Variants in FOXP1 observed in about 807,000 individuals in gnomAD.
FOXP1 encodes the protein forkhead box protein P1.
FOXP1 carries 15 observed loss-of-function variants against 98.2 expected under a neutral mutation model. The observed-to-expected ratio is 0.15, with a 90% CI of 0.10 to 0.24. The LOEUF (loss-of-function observed/expected upper bound fraction) is 0.24. Among genes scored for constraint, FOXP1 ranks in the 10% least tolerant of loss-of-function variants. The pLI is 1.00. For missense variants in FOXP1, 633 were observed against 848.5 expected (o/e 0.75, Z 3.15); for synonymous variants, 371 against 314.5 (o/e 1.18, Z -1.90).
intron 19 of FOXP1, among the ~76,000 whole-genome samples, chr3:70,967,878 C>T (rs1575716028): frequency 6.6e-6 from 1 of 151,824 alleles, no homozygotes. Context: ...ATTCCAAGGT[C>T]AGAATGTGGC....
At chr3:71,243,363 G>A (rs1193294134) in intron 5 of FOXP1, among the ~76,000 whole-genome samples, 1 of 152,176 alleles carries the variant, frequency 6.6e-6, no homozygotes, top group African/African-American at 2.4e-5. Context: ...ATGATCCGCA[G>A]CCAAGAAACC....
intron 5 of FOXP1, among the ~76,000 whole-genome samples, chr3:71,248,299 A>T (rs73109709): frequency 0.14 from 21,158 of 152,024 alleles, 1,563 homozygotes; most frequent in Non-Finnish European, 0.15. Context: ...TAATATTCAA[A>T]ATCTGTAGGA....
At chr3:71,175,729 T>C (rs745886635) in intron 6 of FOXP1, among the ~76,000 whole-genome samples, 4 of 152,202 alleles carry the variant, frequency 2.6e-5, no homozygotes, top group Non-Finnish European at 4.4e-5. Context: ...AAATATATGC[T>C]TTTGCTGCTA....
intron 3 of FOXP1, among the ~76,000 whole-genome samples, chr3:71,491,525 G>C (rs923711810): frequency 1.3e-5 from 2 of 152,258 alleles, no homozygotes; most frequent in African/African-American, 4.8e-5. Context: ...TTTCATTGTG[G>C]ACATCCTTGC....
chr3:71,239,176 AT>A (rs2067045831), intron 5 of FOXP1, among the ~76,000 whole-genome samples: 2 of 152,156 alleles, frequency 1.3e-5, no homozygotes, highest in African/African-American at 4.8e-5. Flanking sequence ...ACATGCTGGG[AT>A]AAAAATTAAA....
intron 9 of FOXP1, 45 bp downstream of exon 9, chr3:71,052,492 C>T (rs763331396): frequency 1.1e-6 from 1 of 878,416 alleles, no homozygotes; most frequent in Admixed American, 1.7e-5. Context: ...ACTAGATAGT[C>T]CTCTGGGATC....
At chr3:71,201,385 C>A (rs1409245204) in intron 5 of FOXP1, among the ~76,000 whole-genome samples, 3 of 152,230 alleles carry the variant, frequency 2.0e-5, no homozygotes, top group African/African-American at 7.2e-5. Flanking sequence ...GTGGCTCATG[C>A]CTGTAATCCC....
chr3:71,497,808 A>T (rs1365444176), intron 2 of FOXP1, among the ~76,000 whole-genome samples: 1 of 152,172 alleles, frequency 6.6e-6, no homozygotes, highest in African/African-American at 2.4e-5. Context: ...ACAGCCCCAG[A>T]AGTACCTTGG....
intron 7 of FOXP1, among the ~76,000 whole-genome samples, chr3:71,083,440 T>C: frequency 6.6e-6 from 1 of 152,220 alleles, no homozygotes; most frequent in East Asian, 1.9e-4. Context: ...GGTATTTCTT[T>C]ATAGTGACAC....
intron 12 of FOXP1, among the ~76,000 whole-genome samples, chr3:71,015,169 A>T (rs1576171225): frequency 2.0e-5 from 3 of 151,282 alleles, no homozygotes; most frequent in South Asian, 4.1e-4. Flanking sequence ...CACCTCCAAC[A>T]ACAACAACAA....
intron 7 of FOXP1, chr3:71,064,874 C>T (rs1384398608): frequency 5.2e-6 from 5 of 956,610 alleles, no homozygotes; most frequent in Non-Finnish European, 6.2e-6. Context: ...CTCGGGGCGC[C>T]CGCGCGGGCC....
intron 6 of FOXP1, among the ~76,000 whole-genome samples, chr3:71,124,516 C>T (rs982959240): frequency 4.0e-5 from 6 of 151,614 alleles, no homozygotes; most frequent in Non-Finnish European, 8.8e-5. Flanking sequence ...TTATGCAAAG[C>T]CTATAGAAAA....
intron 3 of FOXP1, among the ~76,000 whole-genome samples, chr3:71,376,722 T>C (rs2079742337): frequency 6.6e-6 from 1 of 152,210 alleles, no homozygotes; most frequent in Non-Finnish European, 1.5e-5. Context: ...TCTTAGCCTT[T>C]TCCTCTTAAC....
intron 2 of FOXP1, among the ~76,000 whole-genome samples, chr3:71,525,139 T>G (rs866610878): frequency 6.6e-6 from 1 of 152,194 alleles, no homozygotes; most frequent in African/African-American, 2.4e-5. Context: ...ATATCTAATT[T>G]TATCTAAATG....
intron 7 of FOXP1, among the ~76,000 whole-genome samples, chr3:71,084,281 T>C (rs191517851): frequency 1.5e-4 from 23 of 152,232 alleles, no homozygotes; most frequent in Admixed American, 8.5e-4. Flanking sequence ...CCCCTCAAAG[T>C]CTTATGATGA....
Position 70,959,302 on chromosome 3 carries a change from T to G in FOXP1, c.1979A>C (p.Asp660Ala). ...TTCGTAATCTCTGTCATGGTCAAAATCTGGACTGTGGTTGGCTGTTGTCAC... is the reference window on the plus strand; with the variant it reads ...TTCGTAATCTCTGTCATGGTCAAAAGCTGGACTGTGGTTGGCTGTTGTCAC... ...SLVTTANHSPDFDHDRDYEDE... is the reference protein window; with the variant it reads ...SLVTTANHSPAFDHDRDYEDE... Residue 660 changes from aspartate (D) to alanine (A), a missense_variant, in exon 21 of 21, where the codon GAT (aspartate) becomes GCT (alanine). Coordinates refer to ENST00000649528, the MANE Select transcript of FOXP1 (RefSeq NM_001349338.3). 1 of 1,613,948 alleles carries G rather than the reference T, an allele frequency of 6.2e-7. No homozygotes were observed. Among genetic ancestry groups the G allele is most frequent in the Non-Finnish European group, 8.5e-7 (1 of 1,179,988 alleles).
chr3:71,575,054 C>T (rs1189659975), intron 2 of FOXP1, among the ~76,000 whole-genome samples: 1 of 152,132 alleles, frequency 6.6e-6, no homozygotes, highest in Non-Finnish European at 1.5e-5. Flanking sequence ...GCATCAGGAC[C>T]ATGTGGGATG....
chr3:71,470,072 AATT>A (rs1171592788), intron 3 of FOXP1, among the ~76,000 whole-genome samples: 1 of 151,802 alleles, frequency 6.6e-6, no homozygotes, highest in African/African-American at 2.4e-5. Context: ...AATAAAATAA[AATT>A]AATAAAAATA....
intron 2 of FOXP1, among the ~76,000 whole-genome samples, chr3:71,529,661 A>G (rs2043673372): frequency 6.6e-6 from 1 of 152,178 alleles, no homozygotes; most frequent in South Asian, 2.1e-4. Context: ...TGCCTACATA[A>G]CGAAGCCTCC....
Sources: gnomAD v4.1 joint callset for allele counts (sites outside exome capture counted in the v4.1 genomes callset) on GRCh38, gnomAD v4.1.1 for gene constraint, MANE v1.5 for transcripts, NCBI Gene and HGNC (gene_info 2026-07-23, HGNC 2026-07-21) for gene names.